Variants in KIF26B observed in about 807,000 individuals in gnomAD.
KIF26B encodes the protein kinesin family member 26B, also known as kinesin-like protein KIF26B.
Under a neutral mutation model 151.2 loss-of-function variants are expected in KIF26B, and 63 were observed. That is an observed-to-expected ratio of 0.42 (90% CI 0.34 to 0.51). KIF26B has a LOEUF of 0.51. KIF26B is among the 20% of genes least tolerant of loss of function. KIF26B has a pLI of 0.07. For missense variants in KIF26B, 2,813 were observed against 2,913.6 expected, an observed-to-expected ratio of 0.97 and a Z score of 0.79; for synonymous variants, 1,357 against 1,262.1, an observed-to-expected ratio of 1.08 and a Z score of -1.59.
chr1:245,220,917 A>G (rs1473904288), intron 2 of KIF26B, among the ~76,000 whole-genome samples: 1 of 152,064 alleles, frequency 6.6e-6, no homozygotes, highest in Non-Finnish European at 1.5e-5. Flanking sequence ...AGGATGCTCA[A>G]GTTGAAGCCT....
In KIF26B at chr1:245,166,432, G is replaced by A. The variant is rs962518464; in HGVS notation, c.465+9749G>A. 6.6e-6 allele frequency among the ~76,000 whole-genome samples: 1 copy of A among 152,218 alleles called. No homozygotes were observed. Among genetic ancestry groups the A allele is most frequent in the Non-Finnish European group, 1.5e-5 (1 of 68,030 alleles). On this transcript the variant is annotated intron_variant, in intron 2 of 14. Transcript: ENST00000407071. The surrounding 1 kb of genome is among the most constrained non-coding windows in gnomAD (Gnocchi z 4.5). ...ATTCATTTGTAGAGTTGTCACCACAGAAAGTTTAAGGGAGCTCAGTGGATG... is the reference window on the plus strand; with the variant it reads ...ATTCATTTGTAGAGTTGTCACCACAAAAAGTTTAAGGGAGCTCAGTGGATG...
chr1:245,607,278 G>T (rs1210939803), intron 6 of KIF26B, among the ~76,000 whole-genome samples: 1 of 152,052 alleles, frequency 6.6e-6, no homozygotes, highest in African/African-American at 2.4e-5. Context: ...GTCAGCAGAG[G>T]GTGAGTGGAG....
At chr1:245,482,830 G>T (rs1278271632) in intron 4 of KIF26B, among the ~76,000 whole-genome samples, 1 of 151,824 alleles carries the variant, frequency 6.6e-6, no homozygotes, top group Non-Finnish European at 1.5e-5. Flanking sequence ...GTTTCCAGTT[G>T]TAAGAAGCCA....
At chr1:245,222,848 A>G (rs1669801841) in intron 2 of KIF26B, among the ~76,000 whole-genome samples, 1 of 152,234 alleles carries the variant, frequency 6.6e-6, no homozygotes. Flanking sequence ...CTTAATACAC[A>G]ATAGCCTTTC....
In KIF26B at chr1:245,707,692, C is replaced by T. The variant is rs1027196003; in HGVS notation, c.*5086C>T. 3 of 152,162 alleles carry T rather than the reference C, an allele frequency of 2.0e-5. No individual in the cohort carries two copies. The highest frequency in any genetic ancestry group is 2.9e-5 in the Non-Finnish European group (2 of 68,030). 9.4% of individuals were successfully genotyped at this position (152,162 alleles called of 1,614,324 possible). A position where few individuals can be genotyped will look rare whatever the true frequency, so the allele number is the denominator to read the frequency against. ...AAAGCAAGAGAATAGGGATTAGGGT[C>T]CAATCCTCAATGCACAGGGCTTAGT... On this transcript the variant is annotated 3_prime_UTR_variant, in exon 15 of 15. Coordinates refer to ENST00000407071, the MANE Select transcript of KIF26B (RefSeq NM_018012.4).
chr1:245,575,147 A>G (rs1320967586), intron 5 of KIF26B, among the ~76,000 whole-genome samples: 2 of 150,720 alleles, frequency 1.3e-5, no homozygotes, highest in Non-Finnish European at 3.0e-5. Context: ...TTACAGGCTC[A>G]AGCCACCGCG....
chr1:245,564,374 CGG>C lies in KIF26B; in HGVS notation c.1350+23425_1350+23426del. ...TCTTCTACGACACGGAGACCTTTCC[CGG>C]AGCAGGAACGGGGCCACGGCCGTGT... is the stretch of plus-strand genomic sequence containing the variant. On this transcript the variant is annotated intron_variant, in intron 5 of 14. Coordinates refer to ENST00000407071, the MANE Select transcript of KIF26B (RefSeq NM_018012.4). The surrounding 1 kb of genome is among the most constrained non-coding windows in gnomAD (Gnocchi z 4.6). Among the ~76,000 whole-genome samples, 1 of 152,200 alleles carries C rather than the reference CGG, an allele frequency of 6.6e-6. No individual in the cohort carries two copies. The highest frequency in any genetic ancestry group is 1.9e-4 in the East Asian group (1 of 5,182).
At chr1:245,450,620 T>A (rs1019812990) in intron 4 of KIF26B, among the ~76,000 whole-genome samples, 6 of 152,224 alleles carry the variant, frequency 3.9e-5, no homozygotes, top group Non-Finnish European at 8.8e-5. Flanking sequence ...TGTGACTTCA[T>A]CTTCTCATTG....
At chr1:245,679,372 C>G (rs1424956873) in intron 10 of KIF26B, among the ~76,000 whole-genome samples, 21 of 148,858 alleles carry the variant, frequency 1.4e-4, no homozygotes, top group Non-Finnish European at 1.5e-5. Context: ...TCTTTTTGTC[C>G]TTTTTCTTGT....
At chr1:245,701,758 C>G (rs943305673) in intron 14 of KIF26B, among the ~76,000 whole-genome samples, 1 of 152,206 alleles carries the variant, frequency 6.6e-6, no homozygotes, top group African/African-American at 2.4e-5. Flanking sequence ...CTCTTCAGAG[C>G]TTGTCTCGTG....
intron 4 of KIF26B, among the ~76,000 whole-genome samples, chr1:245,428,443 C>A (rs184996415): frequency 6.6e-6 from 1 of 152,126 alleles, no homozygotes; most frequent in African/African-American, 2.4e-5. Flanking sequence ...TATGAGACAG[C>A]GAAAGCACAG....
intron 2 of KIF26B, among the ~76,000 whole-genome samples, chr1:245,296,110 A>T (rs959639971): frequency 4.6e-5 from 7 of 151,852 alleles, no homozygotes; most frequent in African/African-American, 1.5e-4. Flanking sequence ...TGGGTTGTAC[A>T]TGCTACTAGG....
Position 245,170,291 on chromosome 1 carries a change from T to C in KIF26B, c.465+13608T>C, listed in dbSNP as rs1191075976. On this transcript the variant is annotated intron_variant, in intron 2 of 14. Coordinates refer to ENST00000407071, the MANE Select transcript of KIF26B (RefSeq NM_018012.4). The surrounding 1 kb of genome is among the most constrained non-coding windows in gnomAD (Gnocchi z 4.4). ...CGGTGGAGCTTAGTCTAGGCATTTA[T>C]GGGTCGGCTGGTTTGAGGGTCCTTG... 1.3e-5 allele frequency among the ~76,000 whole-genome samples: 2 copies of C among 152,148 alleles called. No homozygotes were observed. Among genetic ancestry groups the C allele is most frequent in the Non-Finnish European group, 2.9e-5 (2 of 68,044 alleles).
chr1:245,356,241 C>T (rs1239055890), intron 2 of KIF26B, among the ~76,000 whole-genome samples: 1 of 152,076 alleles, frequency 6.6e-6, no homozygotes, highest in Non-Finnish European at 1.5e-5. Context: ...GCAAACGTGA[C>T]AAAAGCAAAA....
At chr1:245,416,533 G>A (rs1027780820) in intron 3 of KIF26B, among the ~76,000 whole-genome samples, 2 of 152,122 alleles carry the variant, frequency 1.3e-5, no homozygotes. Flanking sequence ...TGTAGTGGGG[G>A]AAAATGACTT....
chr1:245,654,934 T>C (rs2147928422), intron 10 of KIF26B, among the ~76,000 whole-genome samples: 1 of 152,350 alleles, frequency 6.6e-6, no homozygotes, highest in South Asian at 2.1e-4. Flanking sequence ...TCACGAGCTT[T>C]TCCTCAAACA....
intron 3 of KIF26B, among the ~76,000 whole-genome samples, chr1:245,418,304 T>C (rs1253396764): frequency 6.6e-6 from 1 of 152,240 alleles, no homozygotes; most frequent in African/African-American, 2.4e-5. Context: ...CTCCAGTTTC[T>C]GTCACTTGGG....
rs763011541 is a variant in KIF26B at position 245,704,370 on chromosome 1, C to G, written c.*1764C>G. The G allele has an allele frequency of 6.6e-6, 1 of 152,262 alleles. No individual in the cohort carries two copies. 9.4% of individuals were successfully genotyped at this position (152,262 alleles called of 1,614,324 possible). ...TGCAGCCCACACAGCTGGCTGAACT[C>G]GGTAAATGGGAACCGAAGTCTTGTG... is the stretch of plus-strand genomic sequence containing the variant. On this transcript the variant is annotated 3_prime_UTR_variant, in exon 15 of 15. Transcript: ENST00000407071.
chr1:245,702,899 A>G lies in KIF26B; in HGVS notation c.*293A>G. The G allele has an allele frequency of 3.0e-6, 1 of 333,396 alleles. No homozygotes were observed. Among genetic ancestry groups the G allele is most frequent in the Non-Finnish European group, 5.4e-6 (1 of 184,760 alleles). The allele number at this position is 333,396 out of a possible 1,614,324, so 20.7% of individuals were successfully genotyped here. ...CTTAAAGACCTTGTTTGTACATAAG[A>G]ACTGCTAGCAAAAGAGACCTCACTC... is the stretch of plus-strand genomic sequence containing the variant. On this transcript the variant is annotated 3_prime_UTR_variant, in exon 15 of 15. Transcript: ENST00000407071. This position sits in a 1 kb window ranked among gnomAD's most constrained non-coding sequence, Gnocchi z 4.1.
Sources: gnomAD v4.1 joint callset for allele counts (sites outside exome capture counted in the v4.1 genomes callset) on GRCh38, gnomAD v4.1.1 for gene constraint, Gnocchi (gnomAD v3.1) non-coding constraint, MANE v1.5 for transcripts, NCBI Gene and HGNC (gene_info 2026-07-23, HGNC 2026-07-21) for gene names.